Variants in KPNA3 observed in about 807,000 individuals in gnomAD.
The protein encoded by KPNA3 is karyopherin subunit alpha 3, also known as importin subunit alpha-4.
Under a neutral mutation model 73.8 loss-of-function variants are expected in KPNA3, and 13 were observed. The observed-to-expected ratio is 0.18, with a 90% CI of 0.11 to 0.28. The LOEUF (loss-of-function observed/expected upper bound fraction) is 0.28. KPNA3 is among the 10% of genes least tolerant of loss of function. The probability of loss-of-function intolerance (pLI) is 1.00; values close to 1 mark genes in which losing one functional copy is unlikely to be tolerated. For synonymous variants in KPNA3, 186 were observed against 206.9 expected, an observed-to-expected ratio of 0.90 and a Z score of 0.87; for missense variants, 360 against 618.1, an observed-to-expected ratio of 0.58 and a Z score of 4.43.
rs1446785753 is a variant in KPNA3 at position 49,790,224 on chromosome 13, T to C, written c.69+2214A>G. ...ACTAGCATCTGTAGTTCGAACACTT[T>C]GGAAGGCCGAGGCGGGAGAATCACT... On this transcript the variant is annotated intron_variant, in intron 1 of 16. Coordinates refer to ENST00000261667, the MANE Select transcript of KPNA3 (RefSeq NM_002267.4). Among the ~76,000 whole-genome samples, 9 of 152,236 alleles carry C rather than the reference T, an allele frequency of 5.9e-5. No homozygotes were observed. In the East Asian group the frequency reaches 1.5e-3, roughly 26 times the overall value.
chr13:49,765,548 G>C (rs1217865205), intron 1 of KPNA3, among the ~76,000 whole-genome samples: 1 of 152,092 alleles, frequency 6.6e-6, no homozygotes, highest in Non-Finnish European at 1.5e-5. Flanking sequence ...TATTGCCCAA[G>C]CTGGTCTCAA....
chr13:49,775,153 ACT>A (rs3837531), intron 1 of KPNA3, among the ~76,000 whole-genome samples: 24,416 of 124,856 alleles, frequency 0.2, 2,819 homozygotes, highest in Middle Eastern at 0.25. Flanking sequence ...ACAGAGTGAG[ACT>A]CTGTCTCAAA....
At chr13:49,747,634 TGA>T (rs1289079280) in intron 1 of KPNA3, among the ~76,000 whole-genome samples, 5 of 152,180 alleles carry the variant, frequency 3.3e-5, no homozygotes, top group Admixed American at 6.5e-5. Context: ...TGAAGTGAGC[TGA>T]GATCATGCCA....
chr13:49,716,442 T>C (rs1408325858), intron 10 of KPNA3, among the ~76,000 whole-genome samples: 1 of 151,950 alleles, frequency 6.6e-6, no homozygotes, highest in Non-Finnish European at 1.5e-5. Flanking sequence ...TAATTTTATT[T>C]AATTATTTTT....
intron 10 of KPNA3, among the ~76,000 whole-genome samples, chr13:49,716,541 C>G (rs534364009): frequency 6.6e-6 from 1 of 152,086 alleles, no homozygotes; most frequent in Non-Finnish European, 1.5e-5. Context: ...CCGACTCAAG[C>G]GATTCTCCTG....
intron 1 of KPNA3, among the ~76,000 whole-genome samples, chr13:49,786,123 T>C (rs1009473497): frequency 6.6e-6 from 1 of 152,210 alleles, no homozygotes; most frequent in African/African-American, 2.4e-5. Flanking sequence ...GAACAGGCTG[T>C]TCAAGGAGGG....
intron 10 of KPNA3, among the ~76,000 whole-genome samples, chr13:49,714,858 C>T (rs1224136503): frequency 6.6e-6 from 1 of 151,964 alleles, no homozygotes; most frequent in Non-Finnish European, 1.5e-5. Context: ...AAACCAATAT[C>T]ACTTACGTGA....
At chr13:49,721,828 C>T (rs894290314) in intron 9 of KPNA3, 127 bp downstream of exon 9, 3 of 628,786 alleles carry the variant, frequency 4.8e-6, no homozygotes, top group African/African-American at 1.9e-5. Flanking sequence ...ATCAAACAAA[C>T]AAACAAACAA....
At chr13:49,767,175 G>A (rs1015749331) in intron 1 of KPNA3, among the ~76,000 whole-genome samples, 1 of 151,852 alleles carries the variant, frequency 6.6e-6, no homozygotes, top group African/African-American at 2.4e-5. Flanking sequence ...CCAGCATTTT[G>A]GGAGGCCGAG....
intron 10 of KPNA3, among the ~76,000 whole-genome samples, chr13:49,716,139 A>T (rs907918676): frequency 2.0e-5 from 3 of 152,204 alleles, no homozygotes; most frequent in Non-Finnish European, 4.4e-5. Context: ...GCACCCTGAA[A>T]CTGCAAATAC....
At chr13:49,741,652 AC>A (rs1193335072) in intron 2 of KPNA3, among the ~76,000 whole-genome samples, 11 of 152,034 alleles carry the variant, frequency 7.2e-5, no homozygotes, top group Admixed American at 6.5e-5. Flanking sequence ...ATGGGGTTTC[AC>A]CCGTGTTACC....
chr13:49,724,542 C>T (rs369119546), intron 7 of KPNA3, among the ~76,000 whole-genome samples: 3 of 152,094 alleles, frequency 2.0e-5, no homozygotes, highest in East Asian at 3.9e-4. Context: ...CTCCTGACCT[C>T]GTGATCCACC....
chr13:49,705,526 T>A, intron 15 of KPNA3, 95 bp downstream of exon 15: 1 of 1,200,702 alleles, frequency 8.3e-7, no homozygotes, highest in South Asian at 1.4e-5. Flanking sequence ...AAACAACGTA[T>A]CCTAGTAATT....
chr13:49,719,445 G>C (rs372657575), intron 10 of KPNA3, among the ~76,000 whole-genome samples: 1 of 152,046 alleles, frequency 6.6e-6, no homozygotes, highest in African/African-American at 2.4e-5. Context: ...CCTATCTGTT[G>C]TAAGAACCAG....
chr13:49,729,760 A>G (rs1217810901), intron 6 of KPNA3, among the ~76,000 whole-genome samples: 1 of 152,250 alleles, frequency 6.6e-6, no homozygotes, highest in East Asian at 1.9e-4. Context: ...AGCCTGGGCA[A>G]CAGAGCGAGA....
rs1439407579 is a variant in KPNA3 at position 49,722,041 on chromosome 13, T to C, written c.640A>G (p.Ile214Val). The C allele has an allele frequency of 1.9e-6, 3 of 1,611,976 alleles. No homozygotes were observed. Among genetic ancestry groups the C allele is most frequent in the Middle Eastern group, 1.7e-4 (1 of 6,058 alleles). Residue 214 changes from isoleucine to valine, a missense_variant, in exon 9 of 17, where the codon ATC becomes GTC. Physicochemically the swap from Ile to Val is conservative, Grantham distance 29. This residue lies in a region of KPNA3 where 287 missense variants were observed against 549.1 expected (regional missense o/e 0.52). Coordinates refer to ENST00000261667, the MANE Select transcript of KPNA3 (RefSeq NM_002267.4). ...LLSFISPSIP[I>V]TFLRNVTWVI... is the part of the protein sequence containing the mutation. ...CATGTGACGTTCCGAAGGAAGGTGATGGGGATGGAGGGACTGATGAAGGAC... is the reference window on the plus strand; with the variant it reads ...CATGTGACGTTCCGAAGGAAGGTGACGGGGATGGAGGGACTGATGAAGGAC...
rs774137713 is a variant in KPNA3, at chr13:49,719,829, GAAAAT to G, written c.727-15_727-11del. On this transcript the variant is annotated splice_polypyrimidine_tract_variant and intron_variant, in intron 9 of 16. Coordinates refer to ENST00000261667, the MANE Select transcript of KPNA3 (RefSeq NM_002267.4). The stretch of plus-strand genomic sequence containing the variant: ...ATAAAGCTGGCAAAATCTGAGGAAA[GAAAAT>G]AAACAATACTTAACATTAGTTAATT... 2 of 1,535,176 alleles carry G rather than the reference GAAAAT, an allele frequency of 1.3e-6. No homozygotes were observed. The highest frequency in any genetic ancestry group is 2.3e-5 in the South Asian group (2 of 88,734).
intron 1 of KPNA3, among the ~76,000 whole-genome samples, chr13:49,767,416 TA>T (rs200281474): frequency 0.26 from 24,694 of 95,936 alleles, 3,181 homozygotes; most frequent in East Asian, 0.75. Flanking sequence ...TCTGTCTCAA[TA>T]AAAAAAAAAA....
At chr13:49,739,003 CCTTT>C (rs948043402) in intron 2 of KPNA3, among the ~76,000 whole-genome samples, 3 of 152,132 alleles carry the variant, frequency 2.0e-5, no homozygotes, top group African/African-American at 7.2e-5. Flanking sequence ...TGAGGCAATT[CCTTT>C]CTATTCCTTT....
Sources: gnomAD v4.1 joint callset for allele counts (sites outside exome capture counted in the v4.1 genomes callset) on GRCh38, gnomAD v4.1.1 for gene constraint, gnomAD v4.1.1 regional missense constraint, MANE v1.5 for transcripts, NCBI Gene and HGNC (gene_info 2026-07-23, HGNC 2026-07-21) for gene names.